The following DHTKD1 variants were observed in gnomAD, a reference collection of about 807,000 sequenced individuals.
DHTKD1 encodes dehydrogenase E1 and transketolase domain containing 1.
Under a neutral mutation model 101.8 loss-of-function variants are expected in DHTKD1, and 78 were observed. That is an observed-to-expected ratio of 0.77 (90% confidence interval 0.64 to 0.93). The LOEUF is 0.93. Among genes scored for constraint, DHTKD1 ranks in the 40% least tolerant of loss-of-function variants. The pLI is 0.00. For missense variants in DHTKD1, 1,223 were observed against 1,161.7 expected, an observed-to-expected ratio of 1.05 and a Z score of -0.77; for synonymous variants, 462 against 450.3, an observed-to-expected ratio of 1.03 and a Z score of -0.33.
intron 15 of DHTKD1, 28 bp from the exon 16 acceptor site, chr10:12,120,154 G>A: frequency 6.4e-7 from 1 of 1,567,668 alleles, no homozygotes; most frequent in Non-Finnish European, 8.8e-7. Context: ...GTCTACTTGA[G>A]GTGCTGAAAG....
chr10:12,070,059 A>T (rs1487420507), intron 1 of DHTKD1, among the ~76,000 whole-genome samples: 2 of 152,058 alleles, frequency 1.3e-5, no homozygotes, highest in African/African-American at 4.8e-5. Flanking sequence ...CTGTTACTTT[A>T]ATTTCAGAGT....
intron 13 of DHTKD1, among the ~76,000 whole-genome samples, chr10:12,113,637 G>T (rs1034049073): frequency 1.3e-5 from 2 of 152,148 alleles, no homozygotes; most frequent in East Asian, 1.9e-4. Context: ...AAGCTTTTAG[G>T]CTATTAGGCT....
At chr10:12,101,299 G>A (rs1833166200) in intron 10 of DHTKD1, 118 bp downstream of exon 10, 5 of 1,167,546 alleles carry the variant, frequency 4.3e-6, no homozygotes, top group South Asian at 1.7e-5. Flanking sequence ...TGGAAGTAAA[G>A]GAGTGCTAAA....
At position 12,091,411 on chromosome 10, in the gene DHTKD1, CAAA is replaced by C. The variant is rs71382619; in HGVS notation, c.988-85_988-83del. The C allele has an allele frequency of 1.9e-3, 360 of 192,830 alleles. 6 individuals are homozygous for C. Among genetic ancestry groups the C allele is most frequent in the East Asian group, 3.0e-3 (22 of 7,332 alleles). The allele number at this position is 192,830 out of a possible 1,614,324, so 11.9% of individuals were successfully genotyped here. A position where few individuals can be genotyped will look rare whatever the true frequency, so the allele number is the denominator to read the frequency against. On this transcript the variant is annotated intron_variant, in intron 5 of 16. Coordinates refer to ENST00000263035, the MANE Select transcript of DHTKD1 (RefSeq NM_018706.7). ...TGGGCGAAAGAGCAAGACTCTGTCT[CAAA>C]AAAAAAAAAAAAAAAAGTTATTCCA...
At chr10:12,091,880 C>T (rs539079493) in intron 6 of DHTKD1, among the ~76,000 whole-genome samples, 196 bp downstream of exon 6, 1 of 152,136 alleles carries the variant, frequency 6.6e-6, no homozygotes, top group East Asian at 1.9e-4. Context: ...TCTTGGCTCA[C>T]TGCAACTTCT....
At chr10:12,117,619 C>A in intron 13 of DHTKD1, 54 bp from the exon 14 acceptor site, 1 of 1,045,254 alleles carries the variant, frequency 9.6e-7, no homozygotes, top group Non-Finnish European at 1.5e-6. Flanking sequence ...TTGTAAGTGA[C>A]AGCATCACCT....
chr10:12,119,564 C>T (rs1377336993), intron 15 of DHTKD1, among the ~76,000 whole-genome samples: 8 of 143,996 alleles, frequency 5.6e-5, no homozygotes, highest in South Asian at 2.2e-4. Context: ...TGCAGTGAGC[C>T]GAGATTGCGC....
At chr10:12,106,548 G>T in intron 11 of DHTKD1, 152 bp downstream of exon 11, 1 of 969,710 alleles carries the variant, frequency 1.0e-6, no homozygotes, top group South Asian at 1.5e-5. Flanking sequence ...GTTATGACGG[G>T]AGTGTGGCCA....
intron 1 of DHTKD1, among the ~76,000 whole-genome samples, chr10:12,074,104 C>T (rs1832688554): frequency 6.6e-6 from 1 of 152,188 alleles, no homozygotes; most frequent in African/African-American, 2.4e-5. Context: ...GGTATTACGC[C>T]TAACGTAAAG....
chr10:12,119,689 G>C (rs935155890), intron 15 of DHTKD1, among the ~76,000 whole-genome samples: 1 of 151,928 alleles, frequency 6.6e-6, no homozygotes, highest in African/African-American at 2.4e-5. Context: ...GGGGGAGGAG[G>C]GAGAGCATCA....
chr10:12,120,094 A>G, intron 15 of DHTKD1, 88 bp from the exon 16 acceptor site: 1 of 988,180 alleles, frequency 1.0e-6, no homozygotes, highest in Non-Finnish European at 1.6e-6. Flanking sequence ...CGTAAAGTTG[A>G]AAACTCCATC....
intron 1 of DHTKD1, among the ~76,000 whole-genome samples, chr10:12,074,560 G>A (rs891116881): frequency 6.6e-6 from 1 of 151,310 alleles, no homozygotes; most frequent in African/African-American, 2.4e-5. Context: ...GGGTTTCACC[G>A]TGTTAGCCAG....
rs1475253783 is a variant in DHTKD1 at position 12,069,132 on chromosome 10, C to T, written c.99C>T (p.Tyr33=). The T allele has an allele frequency of 3.1e-6, 5 of 1,595,288 alleles. No individual in the cohort carries two copies. The African/African-American group carries it at 5.4e-5, about 17-fold the overall frequency. ...GYQTERGVYG[Y]RPRKPESREP... The stretch of plus-strand genomic sequence containing the variant: ...AGACCGAGCGGGGCGTTTACGGCTA[C>T]CGGCCGAGGAAGCCCGAGAGCCGCG... Residue 33 remains tyrosine (Y), a synonymous_variant, in exon 1 of 17, where the codon TAC becomes TAT. Coordinates refer to ENST00000263035, the MANE Select transcript of DHTKD1 (RefSeq NM_018706.7).
intron 1 of DHTKD1, 23 bp downstream of exon 1, chr10:12,069,210 T>G: frequency 7.5e-7 from 1 of 1,339,928 alleles, no homozygotes; most frequent in Non-Finnish European, 9.7e-7. Context: ...GCCCGGGCGG[T>G]GGGAGCGGGG....
intron 13 of DHTKD1, 104 bp from the exon 14 acceptor site, chr10:12,117,569 G>A (rs1038489065): frequency 2.7e-6 from 2 of 740,050 alleles, no homozygotes; most frequent in South Asian, 1.5e-5. Context: ...TCCTTGCAGT[G>A]CTAGGCTAGA....
At chr10:12,120,068 AT>A in intron 15 of DHTKD1, 113 bp from the exon 16 acceptor site, 1 of 755,572 alleles carries the variant, frequency 1.3e-6, no homozygotes, top group Non-Finnish European at 2.3e-6. Context: ...GTGAATGTGA[AT>A]CCCTTTCACA....
At chr10:12,109,505 C>G (rs890137486) in intron 12 of DHTKD1, among the ~76,000 whole-genome samples, 7 of 150,976 alleles carry the variant, frequency 4.6e-5, no homozygotes, top group African/African-American at 7.3e-5. Flanking sequence ...AAGAAGTCAT[C>G]GAAGCAGCGA....
intron 6 of DHTKD1, among the ~76,000 whole-genome samples, chr10:12,093,055 T>TA (rs1833015938): frequency 6.6e-6 from 1 of 151,032 alleles, no homozygotes; most frequent in Non-Finnish European, 1.5e-5. Flanking sequence ...ATTTTTTTTT[T>TA]TTTTTGAGAT....
At chr10:12,113,559 A>G (rs193273294) in intron 13 of DHTKD1, among the ~76,000 whole-genome samples, 34 of 152,284 alleles carry the variant, frequency 2.2e-4, no homozygotes, top group Admixed American at 2.6e-4. Flanking sequence ...TTTTCTGTCA[A>G]TTGTAATGAA....
Sources: gnomAD v4.1 joint callset for allele counts (sites outside exome capture counted in the v4.1 genomes callset) on GRCh38, gnomAD v4.1.1 for gene constraint, MANE v1.5 for transcripts, NCBI Gene and HGNC (gene_info 2026-07-23, HGNC 2026-07-21) for gene names.